The following UFC1 variants were observed in gnomAD, a reference collection of about 807,000 sequenced individuals.
UFC1 encodes ubiquitin-fold modifier-conjugating enzyme 1.
UFC1 carries 22 observed loss-of-function variants against 28.0 expected under a neutral mutation model. The ratio of observed to expected loss-of-function variants is 0.78; its 90% CI spans 0.56 to 1.12. The LOEUF (loss-of-function observed/expected upper bound fraction) is 1.12, where lower values mean the gene tolerates loss of function less well. UFC1 is among the 50% of genes most tolerant of loss of function. The pLI is 0.00. For synonymous variants in UFC1, 61 were observed against 74.5 expected (o/e 0.82, Z 0.93); for missense variants, 189 against 207.8 (o/e 0.91, Z 0.56).
At chr1:161,156,259 G>A (rs746518196) in intron 1 of UFC1, among the ~76,000 whole-genome samples, 2 of 152,074 alleles carry the variant, frequency 1.3e-5, no homozygotes, top group Non-Finnish European at 2.9e-5. Context: ...GGCTGGGCGT[G>A]GTGGCTCACG....
chr1:161,156,860 A>AAAAATAC, intron 1 of UFC1, 90 bp from the exon 2 acceptor site: 1 of 1,185,530 alleles, frequency 8.4e-7, no homozygotes, highest in East Asian at 2.4e-5. Context: ...ATAAAAAATA[A>AAAAATAC]AAAAAATAAC....
rs1184476390 is a variant in UFC1, at chr1:161,157,253, G to A, written c.192-1G>A. ...GGACTGAGGTTTGGTCTTTGTTACA[G>A]GTGGTTTGGAAAATGCTGGTATATC... On this transcript the variant is annotated splice_acceptor_variant, in intron 2 of 5. Coordinates refer to ENST00000368003, the MANE Select transcript of UFC1 (RefSeq NM_016406.4). LOFTEE classifies it high-confidence loss of function. The A allele has an allele frequency of 6.2e-7, 1 of 1,614,244 alleles. No homozygotes were observed. Among genetic ancestry groups the A allele is most frequent in the Non-Finnish European group, 8.5e-7 (1 of 1,180,038 alleles).
At position 161,158,515 on chromosome 1, in the gene UFC1, G is replaced by A. The variant is rs1213012409; in HGVS notation, c.*23G>A. On this transcript the variant is annotated 3_prime_UTR_variant, in exon 6 of 6. Coordinates refer to ENST00000368003, the MANE Select transcript of UFC1 (RefSeq NM_016406.4). ...TGAAGAATCAAGCCACTGAGGCAGG[G>A]CAGAGGGACCTTTGATAGGCTACGA... is the stretch of plus-strand genomic sequence containing the variant. The A allele has an allele frequency of 1.2e-6, 2 of 1,613,306 alleles. No individual in the cohort carries two copies. Among genetic ancestry groups the A allele is most frequent in the Admixed American group, 1.7e-5 (1 of 60,014 alleles).
At chr1:161,154,684 C>T (rs1657460519) in intron 1 of UFC1, among the ~76,000 whole-genome samples, 1 of 152,126 alleles carries the variant, frequency 6.6e-6, no homozygotes, top group South Asian at 2.1e-4. Flanking sequence ...GGGGTTTCAC[C>T]GTGTTGGCCA....
chr1:161,158,317 C>T lies in UFC1; in HGVS notation c.424-95C>T, dbSNP rs142352313. The T allele has an allele frequency of 0.011, 17,429 of 1,570,726 alleles. 166 individuals are homozygous for T. Among genetic ancestry groups the T allele is most frequent in the Middle Eastern group, 0.045 (267 of 5,982 alleles). ...AGGAATAACAGTGATGTCCCTTAAG[C>T]ATGTTCCCCCAGAATCTGTCTCCAG... On this transcript the variant is annotated intron_variant, in intron 5 of 5. Transcript: ENST00000368003.
intron 1 of UFC1, among the ~76,000 whole-genome samples, chr1:161,154,331 C>G (rs764189197): frequency 1.3e-5 from 2 of 152,092 alleles, no homozygotes; most frequent in Non-Finnish European, 2.9e-5. Flanking sequence ...TGGGGCCAGA[C>G]CTTGCGGCTA....
In UFC1 at chr1:161,158,799, C is replaced by CAT. The variant is rs1657641530; in HGVS notation, c.*311_*312dup. On this transcript the variant is annotated 3_prime_UTR_variant, in exon 6 of 6. Coordinates refer to ENST00000368003, the MANE Select transcript of UFC1 (RefSeq NM_016406.4). ...GCACGGGGGTAACTGAAAGTGAGTA[C>CAT]ATATAGTCTTTCTGGTTTCTGGAGA... The CAT allele has an allele frequency of 5.6e-6, 2 of 358,294 alleles. No homozygotes were observed. Among genetic ancestry groups the CAT allele is most frequent in the African/African-American group, 4.1e-5 (2 of 48,468 alleles). 22.2% of individuals were successfully genotyped at this position (358,294 alleles called of 1,614,324 possible).
intron 1 of UFC1, among the ~76,000 whole-genome samples, chr1:161,154,593 T>C (rs547861674): frequency 6.6e-6 from 1 of 152,292 alleles, no homozygotes; most frequent in East Asian, 1.9e-4. Context: ...CAAGCGAGTC[T>C]CCTGCCTCAG....
Position 161,158,649 on chromosome 1 carries a change from A to G in UFC1, c.*157A>G, listed in dbSNP as rs550934161. ...AGTAGGCATTGCTGGGGAAGAAACA[A>G]ACACACACCAAACAGTACTGCTACT... On this transcript the variant is annotated 3_prime_UTR_variant, in exon 6 of 6. Transcript: ENST00000368003. 24 of 722,738 alleles carry G rather than the reference A, an allele frequency of 3.3e-5. No individual in the cohort carries two copies. The highest frequency in any genetic ancestry group is 3.3e-4 in the South Asian group (20 of 60,250). 44.8% of individuals were successfully genotyped at this position (722,738 alleles called of 1,614,324 possible).
chr1:161,156,523 A>G, intron 1 of UFC1, among the ~76,000 whole-genome samples: 1 of 114,756 alleles, frequency 8.7e-6, no homozygotes, highest in Admixed American at 1.0e-4. Flanking sequence ...TGGGTGACAG[A>G]GCGAGACTGT....
At chr1:161,155,300 G>A (rs750325324) in intron 1 of UFC1, among the ~76,000 whole-genome samples, 3 of 152,210 alleles carry the variant, frequency 2.0e-5, no homozygotes, top group Non-Finnish European at 2.9e-5. Context: ...GGACATTCAA[G>A]CCAAAAGGGA....
At chr1:161,155,627 A>G (rs936082546) in intron 1 of UFC1, among the ~76,000 whole-genome samples, 3 of 152,250 alleles carry the variant, frequency 2.0e-5, no homozygotes, top group African/African-American at 7.2e-5. Flanking sequence ...GCGAAACAAA[A>G]GGCAATCTAA....
intron 5 of UFC1, 65 bp from the exon 6 acceptor site, chr1:161,158,347 G>C: frequency 6.3e-7 from 1 of 1,594,224 alleles, no homozygotes; most frequent in Admixed American, 1.7e-5. Context: ...CTCCAGGAAG[G>C]AGCTTCTAAT....
intron 1 of UFC1, 46 bp downstream of exon 1, chr1:161,154,166 G>A (rs760394963): frequency 6.2e-7 from 1 of 1,607,994 alleles, no homozygotes; most frequent in Non-Finnish European, 8.5e-7. Flanking sequence ...AGGGTTGGGA[G>A]AAATCAGGTG....
At chr1:161,155,341 C>T (rs910397000) in intron 1 of UFC1, among the ~76,000 whole-genome samples, 9 of 152,156 alleles carry the variant, frequency 5.9e-5, no homozygotes, top group South Asian at 4.1e-4. Flanking sequence ...AATCTAGAAA[C>T]GGCACAGGCA....
At chr1:161,155,826 A>C (rs927483457) in intron 1 of UFC1, among the ~76,000 whole-genome samples, 1 of 152,236 alleles carries the variant, frequency 6.6e-6, no homozygotes, top group African/African-American at 2.4e-5. Context: ...CAGGAAGTGT[A>C]TCCAAAGGAA....
intron 2 of UFC1, 106 bp downstream of exon 2, chr1:161,157,123 C>A (rs1657533527): frequency 2.7e-6 from 4 of 1,493,340 alleles, no homozygotes; most frequent in Non-Finnish European, 3.7e-6. Flanking sequence ...TGTTAGCTGT[C>A]TCCACTCCCA....
Position 161,154,065 on chromosome 1 carries a change from G to C in UFC1, c.68G>C (p.Arg23Pro), listed in dbSNP as rs1181612302. Residue 23 changes from arginine to proline, a missense_variant, in exon 1 of 6, where the codon CGA (arginine) becomes CCA (proline). Arg to Pro is a moderately radical substitution (Grantham distance 103). Coordinates refer to ENST00000368003, the MANE Select transcript of UFC1 (RefSeq NM_016406.4). ...GTGCTGAAGACTAACGCCGGACCCCGAGATCGTGAGTTGTGGGTGCAGCGA... is the reference window on the plus strand; with the variant it reads ...GTGCTGAAGACTAACGCCGGACCCCCAGATCGTGAGTTGTGGGTGCAGCGA... Reference protein sequence around the residue: ...IPVLKTNAGPRDRELWVQRLK... With the variant: ...IPVLKTNAGPPDRELWVQRLK... 1 of 1,614,002 alleles carries C rather than the reference G, an allele frequency of 6.2e-7. No individual in the cohort carries two copies. Among genetic ancestry groups the C allele is most frequent in the Admixed American group, 1.7e-5 (1 of 59,990 alleles).
At chr1:161,156,915 A>G (rs76617482) in intron 1 of UFC1, 35 bp from the exon 2 acceptor site, 96,261 of 1,598,590 alleles carry the variant, frequency 0.06, 3,102 homozygotes, top group South Asian at 0.072. Context: ...CTTGGCCCCA[A>G]CTACTCTCTC....
Sources: allele counts gnomAD v4.1 joint callset (sites outside exome capture counted in the v4.1 genomes callset), GRCh38; gene constraint gnomAD v4.1.1; transcripts MANE v1.5; gene names NCBI Gene and HGNC (gene_info 2026-07-23, HGNC 2026-07-21).